Variants in FHIP1B observed in about 807,000 individuals in gnomAD.
FHIP1B encodes FHF complex subunit HOOK-interacting protein 1B.
In FHIP1B, 28 loss-of-function variants were observed where a neutral mutation model predicts 82.2. The ratio of observed to expected loss-of-function variants is 0.34; its 90% CI spans 0.25 to 0.47. FHIP1B has a LOEUF of 0.47. Among genes scored for constraint, FHIP1B ranks in the 20% least tolerant of loss-of-function variants. The pLI is 1.00. For synonymous variants in FHIP1B, 585 were observed against 516.1 expected, an observed-to-expected ratio of 1.13 and a Z score of -1.81; for missense variants, 1,110 against 1,262.6, an observed-to-expected ratio of 0.88 and a Z score of 1.83.
chr11:6,222,499 CCGGTGCA>C lies in FHIP1B; in HGVS notation c.1127_1133del (p.Leu376CysfsTer26), dbSNP rs1277144256. 1 of 1,613,916 alleles carries C rather than the reference CCGGTGCA, an allele frequency of 6.2e-7. No homozygotes were observed. Among genetic ancestry groups the C allele is most frequent in the Non-Finnish European group, 8.5e-7 (1 of 1,180,026 alleles). On this transcript the variant is annotated frameshift_variant, in exon 6 of 12. Transcript: ENST00000449352. LOFTEE classifies it high-confidence loss of function. ...TGTCGAGGATGGTGTGGGTGTCATG[CCGGTGCA>C]ACAACAGGAATCGCAGGAAGGTACG...
intron 1 of FHIP1B, among the ~76,000 whole-genome samples, chr11:6,230,825 C>G (rs1454297792): frequency 1.3e-5 from 2 of 152,200 alleles, no homozygotes; most frequent in East Asian, 1.9e-4. Context: ...GTAGAGGAAG[C>G]AGCTATTACA....
rs1206361436 is a variant in FHIP1B at position 6,218,645 on chromosome 11, G to A, written c.1390C>T (p.His464Tyr). The change falls in exon 8 of 12, where the codon CAC becomes TAC. Residue 464 changes from histidine to tyrosine, a missense_variant. Physicochemically the swap from His to Tyr is moderately conservative, Grantham distance 83. Transcript: ENST00000449352. ...TCTGGACGAGGTGGGCTGGGGGCGT[G>A]GTGCCGACAACAGCGTGGGATTAGG... ...LSLIPRCCRHHAPSPPRPEHA... is the reference protein window; with the variant it reads ...LSLIPRCCRHYAPSPPRPEHA... 6 of 1,614,034 alleles carry A rather than the reference G, an allele frequency of 3.7e-6. No individual in the cohort carries two copies. The highest frequency in any genetic ancestry group is 1.7e-5 in the Admixed American group (1 of 60,004).
chr11:6,218,271 C>A (rs896036061), intron 8 of FHIP1B, 121 bp from the exon 9 acceptor site: 13 of 1,366,042 alleles, frequency 9.5e-6, no homozygotes, highest in Non-Finnish European at 1.3e-5. Flanking sequence ...TCTATTCAGA[C>A]AGCTAACTCT....
rs576325089 is a variant in FHIP1B, at chr11:6,215,956, A to C, written c.2216-1045T>G. 2.1e-4 allele frequency among the ~76,000 whole-genome samples: 32 copies of C among 152,328 alleles called. 1 individual carries two copies. In the South Asian group the frequency reaches 5.6e-3, roughly 27 times the overall value. On this transcript the variant is annotated intron_variant, in intron 9 of 11. Transcript: ENST00000449352. Reference sequence around the variant, plus strand: ...ACATGTCTAGCATTAGCTTCAAAACAACTCTAGCTTAACAGAGTCCTAAGA... The same window carrying C: ...ACATGTCTAGCATTAGCTTCAAAACCACTCTAGCTTAACAGAGTCCTAAGA...
At chr11:6,219,292 T>G (rs1847342219) in intron 6 of FHIP1B, among the ~76,000 whole-genome samples, 1 of 152,248 alleles carries the variant, frequency 6.6e-6, no homozygotes, top group African/African-American at 2.4e-5. Context: ...CCCAATGGAC[T>G]TCTATAGACT....
At chr11:6,226,625 A>G (rs1847571822) in intron 1 of FHIP1B, among the ~76,000 whole-genome samples, 1 of 152,240 alleles carries the variant, frequency 6.6e-6, no homozygotes. Flanking sequence ...TGGTACCGTG[A>G]AAGAACACGA....
rs750655371 is a variant in FHIP1B at position 6,223,912 on chromosome 11, G to A, written c.475C>T (p.Leu159=). 1.9e-6 allele frequency: 3 copies of A among 1,614,078 alleles called. No homozygotes were observed. Among genetic ancestry groups the A allele is most frequent in the Admixed American group, 1.7e-5 (1 of 60,012 alleles). ...GGCACAGGGCGGCCACAGGCATCCA[G>A]CAGGGTGAGCAGAGCCTCACGAACT... ...GPVREALLTL[L]DACGRPVPSS... The change falls in exon 3 of 12, where the codon CTG becomes TTG. Residue 159 remains leucine (L), a synonymous_variant. Coordinates refer to ENST00000449352, the MANE Select transcript of FHIP1B (RefSeq NM_001098794.2). This position sits in a 1 kb window ranked among gnomAD's most constrained non-coding sequence, Gnocchi z 4.8.
At chr11:6,224,804 A>G (rs968431268) in intron 1 of FHIP1B, 97 bp from the exon 2 acceptor site, 15 of 320,164 alleles carry the variant, frequency 4.7e-5, no homozygotes, top group Non-Finnish European at 7.5e-5. Flanking sequence ...ACCTATATAT[A>G]CATACACACA....
At chr11:6,230,603 C>T (rs999305885) in intron 1 of FHIP1B, among the ~76,000 whole-genome samples, 36 of 152,218 alleles carry the variant, frequency 2.4e-4, no homozygotes, top group African/African-American at 8.7e-4. Flanking sequence ...ACTTCTGCTT[C>T]TTGCAGGGAT....
At chr11:6,213,006 C>T (rs922757310) in intron 11 of FHIP1B, among the ~76,000 whole-genome samples, 1 of 151,968 alleles carries the variant, frequency 6.6e-6, no homozygotes, top group Non-Finnish European at 1.5e-5. Context: ...CTTAACTCAA[C>T]ATACTTAATT....
intron 9 of FHIP1B, chr11:6,215,491 C>T (rs139383046): frequency 5.9e-5 from 9 of 152,230 alleles, no homozygotes; most frequent in African/African-American, 2.2e-4. Flanking sequence ...TAAACCTGCT[C>T]AGAAAGAAAG....
At chr11:6,219,604 C>G (rs958642383) in intron 6 of FHIP1B, among the ~76,000 whole-genome samples, 1 of 152,180 alleles carries the variant, frequency 6.6e-6, no homozygotes, top group Non-Finnish European at 1.5e-5. Flanking sequence ...AAGAACAACT[C>G]AAGCGCAGCT....
intron 6 of FHIP1B, among the ~76,000 whole-genome samples, chr11:6,220,011 A>T (rs1190444608): frequency 3.3e-5 from 5 of 152,230 alleles, no homozygotes; most frequent in Admixed American, 3.3e-4. Flanking sequence ...AGACTCACTG[A>T]AAAGTAGTAA....
chr11:6,211,714 A>T lies in FHIP1B; in HGVS notation c.2711T>A (p.Val904Asp). ...AGGGGCCCCGCCCCGGGTGAGTAGA[A>T]CTGGAGTTGAAGCCCCAGGGGAGCC... is the stretch of plus-strand genomic sequence containing the variant. The part of the protein sequence containing the change: ...SGGSPGASTP[V>D]LLTRGGAPER... The change falls in exon 12 of 12, where the codon GTT becomes GAT. Residue 904 changes from valine to aspartate, a missense_variant. Physicochemically the swap from Val to Asp is radical, Grantham distance 152 (BLOSUM62 -3). Around this residue, in one of 6 missense-constraint regions of FHIP1B, gnomAD observed 147 missense variants for 154.0 expected, o/e 0.95. Coordinates refer to ENST00000449352, the MANE Select transcript of FHIP1B (RefSeq NM_001098794.2). The T allele has an allele frequency of 6.2e-7, 1 of 1,614,184 alleles. No individual in the cohort carries two copies. The highest frequency in any genetic ancestry group is 8.5e-7 in the Non-Finnish European group (1 of 1,180,000).
rs1847513297 is a variant in FHIP1B at position 6,224,605 on chromosome 11, C to T, written c.-89G>A. ...TTTCTCCACTTGTGTCTCCAGTCTG[C>T]TTCATCCGGTCTGTAGGAGCCAGTA... On this transcript the variant is annotated 5_prime_UTR_variant, in exon 2 of 12. Transcript: ENST00000449352. The T allele has an allele frequency of 5.7e-6, 8 of 1,407,620 alleles. No individual in the cohort carries two copies. In the Admixed American group the frequency reaches 1.5e-4, roughly 26 times the overall value. The allele number at this position is 1,407,620 out of a possible 1,614,324, so 87.2% of individuals were successfully genotyped here. A position where few individuals can be genotyped will look rare whatever the true frequency, so the allele number is the denominator to read the frequency against.
At position 6,223,972 on chromosome 11, in the gene FHIP1B, T is replaced by A. The variant is rs776651548; in HGVS notation, c.415A>T (p.Ser139Cys). 6.2e-7 allele frequency: 1 copy of A among 1,614,112 alleles called. No homozygotes were observed. Among genetic ancestry groups the A allele is most frequent in the Admixed American group, 1.7e-5 (1 of 60,030 alleles). The change falls in exon 3 of 12, where the codon AGC (serine) becomes TGC (cysteine). Residue 139 changes from serine (S) to cysteine (C), a missense_variant. Physicochemically the swap from Ser to Cys is moderately radical, Grantham distance 112 (BLOSUM62 -1). Transcript: ENST00000449352. This position sits in a 1 kb window ranked among gnomAD's most constrained non-coding sequence, Gnocchi z 4.8. ...CGCAACAGTGGCTGGCGAGCTTCGCTCACTAGCATTTCAAATAGTTTCAGT... is the reference window on the plus strand; with the variant it reads ...CGCAACAGTGGCTGGCGAGCTTCGCACACTAGCATTTCAAATAGTTTCAGT... ...EQLKLFEMLVSEARQPLLRHG... is the reference protein window; with the variant it reads ...EQLKLFEMLVCEARQPLLRHG...
chr11:6,227,982 ATTAG>A (rs1320554376), intron 1 of FHIP1B, among the ~76,000 whole-genome samples: 3 of 152,232 alleles, frequency 2.0e-5, no homozygotes, highest in Admixed American at 6.5e-5. Flanking sequence ...ACTTAGTCAA[ATTAG>A]TTAGTTAAAG....
At chr11:6,218,319 C>T (rs1424084930) in intron 8 of FHIP1B, among the ~76,000 whole-genome samples, 169 bp from the exon 9 acceptor site, 1 of 152,148 alleles carries the variant, frequency 6.6e-6, no homozygotes, top group Non-Finnish European at 1.5e-5. Flanking sequence ...TCCACCACCC[C>T]CACTCACCAC....
Position 6,232,190 on chromosome 11 carries a change from A to G in FHIP1B, c.-192+2354T>C, listed in dbSNP as rs184056610. 2.6e-3 allele frequency among the ~76,000 whole-genome samples: 396 copies of G among 152,376 alleles called. 3 individuals are homozygous for G. The highest frequency in any genetic ancestry group is 5.9e-3 in the Admixed American group (91 of 15,310). On this transcript the variant is annotated intron_variant, in intron 1 of 11. Coordinates refer to ENST00000449352, the MANE Select transcript of FHIP1B (RefSeq NM_001098794.2). ...ATACTTAATGCACTACTATTTCAACAGAGTTTGGGATAGCAAACAATAAGC... is the reference window on the plus strand; with the variant it reads ...ATACTTAATGCACTACTATTTCAACGGAGTTTGGGATAGCAAACAATAAGC...
Sources: gnomAD v4.1 joint callset for allele counts (sites outside exome capture counted in the v4.1 genomes callset) on GRCh38, gnomAD v4.1.1 for gene constraint, gnomAD v4.1.1 regional missense constraint, Gnocchi (gnomAD v3.1) non-coding constraint, MANE v1.5 for transcripts, NCBI Gene and HGNC (gene_info 2026-07-23, HGNC 2026-07-21) for gene names.